Variants in VPS8 observed in about 807,000 individuals in gnomAD.
VPS8 encodes the protein VPS8 subunit of CORVET complex.
VPS8 carries 129 observed loss-of-function variants against 216.4 expected under a neutral mutation model. The ratio of observed to expected loss-of-function variants is 0.60; its 90% CI spans 0.52 to 0.69. VPS8 has a LOEUF of 0.69. Among genes scored for constraint, VPS8 ranks in the 30% least tolerant of loss-of-function variants. The pLI is 0.00. For missense variants in VPS8, 1,531 were observed against 1,683.5 expected (o/e 0.91, Z 1.59); for synonymous variants, 571 against 565.4 (o/e 1.01, Z -0.14).
chr3:184,847,015 G>T (rs1201336230), intron 8 of VPS8, among the ~76,000 whole-genome samples: 3 of 152,178 alleles, frequency 2.0e-5, no homozygotes, highest in Non-Finnish European at 4.4e-5. Flanking sequence ...TGAAAAAATT[G>T]TAAGGAGGAG....
At chr3:185,030,561 G>T (rs1336070678) in intron 46 of VPS8, among the ~76,000 whole-genome samples, 1 of 152,158 alleles carries the variant, frequency 6.6e-6, no homozygotes, top group Non-Finnish European at 1.5e-5. Context: ...CAATAGTTCT[G>T]TGAGTCCATT....
intron 22 of VPS8, among the ~76,000 whole-genome samples, chr3:184,894,393 CTT>C (rs1406074733): frequency 4.0e-5 from 6 of 151,876 alleles, no homozygotes; most frequent in African/African-American, 1.2e-4. Context: ...AAATCTGACT[CTT>C]TTGTTTGTTA....
At chr3:185,004,326 G>A (rs1056826163) in intron 45 of VPS8, among the ~76,000 whole-genome samples, 2 of 152,142 alleles carry the variant, frequency 1.3e-5, no homozygotes, top group African/African-American at 2.4e-5. Flanking sequence ...AAAAAAATAC[G>A]AAAACCAGTC....
intron 45 of VPS8, among the ~76,000 whole-genome samples, chr3:185,010,051 A>G (rs1053191307): frequency 2.0e-5 from 3 of 152,064 alleles, no homozygotes; most frequent in Admixed American, 6.5e-5. Context: ...CCAGACTCAC[A>G]AAGAGCCAGA....
chr3:184,898,652 G>A lies in VPS8; in HGVS notation c.2092G>A (p.Glu698Lys). 2.6e-6 allele frequency: 4 copies of A among 1,544,298 alleles called. No individual in the cohort carries two copies. ...RGMNEFISPM[E>K]KLFRVIAPPL... ...CATGAATGAATTTATTAGTCCAATG[G>A]AGGTAAGATACTTCCTAACTTGGAT... Residue 698 changes from glutamate to lysine, a missense_variant and splice_region_variant, in exon 24 of 48, where the codon GAG becomes AAG. Glu to Lys is a moderately conservative substitution (Grantham distance 56). This residue lies in a region of VPS8 where 1,318 missense variants were observed against 1,468.4 expected (regional missense o/e 0.90). Coordinates refer to ENST00000625842, the MANE Select transcript of VPS8 (RefSeq NM_001009921.3).
At chr3:184,935,385 G>T (rs1049031973) in intron 34 of VPS8, among the ~76,000 whole-genome samples, 2 of 152,190 alleles carry the variant, frequency 1.3e-5, no homozygotes, top group Non-Finnish European at 2.9e-5. Flanking sequence ...GTAAACTACA[G>T]TTATTTGTGG....
At chr3:184,863,945 A>G (rs1187568433) in intron 16 of VPS8, among the ~76,000 whole-genome samples, 8 of 152,214 alleles carry the variant, frequency 5.3e-5, no homozygotes, top group African/African-American at 9.6e-5. Flanking sequence ...AAAAGTCAGA[A>G]TAAGAAATGA....
At chr3:184,992,004 A>T (rs1751961647) in intron 42 of VPS8, among the ~76,000 whole-genome samples, 1 of 152,178 alleles carries the variant, frequency 6.6e-6, no homozygotes, top group Non-Finnish European at 1.5e-5. Flanking sequence ...ATACATAGTT[A>T]TTTTGTGCCT....
chr3:184,851,130 A>G (rs950446026), intron 10 of VPS8, among the ~76,000 whole-genome samples: 2 of 152,186 alleles, frequency 1.3e-5, no homozygotes, highest in African/African-American at 4.8e-5. Context: ...TGAAGGAAAA[A>G]CTAGATGGTG....
intron 36 of VPS8, among the ~76,000 whole-genome samples, chr3:184,955,551 G>A (rs1745440820): frequency 1.3e-5 from 2 of 151,472 alleles, no homozygotes; most frequent in African/African-American, 4.9e-5. Flanking sequence ...GGCCACTGCT[G>A]GTCTCCGCGT....
intron 3 of VPS8, among the ~76,000 whole-genome samples, chr3:184,831,142 G>A (rs1024822016): frequency 5.3e-5 from 8 of 152,178 alleles, no homozygotes; most frequent in South Asian, 2.1e-4. Context: ...GAGATGTACC[G>A]AAAACTAAAG....
intron 46 of VPS8, among the ~76,000 whole-genome samples, chr3:185,035,778 GAAAT>G (rs1277598227): frequency 1.3e-5 from 2 of 152,164 alleles, no homozygotes; most frequent in African/African-American, 4.8e-5. Context: ...GCAAGAGAAA[GAAAT>G]AAAAGGCATC....
chr3:184,842,894 A>G (rs948517682), intron 7 of VPS8, among the ~76,000 whole-genome samples: 17 of 151,506 alleles, frequency 1.1e-4, no homozygotes, highest in African/African-American at 4.1e-4. Context: ...CTTAATAAAG[A>G]TGTTTCCCCA....
rs184727531 is a variant in VPS8 at position 184,936,416 on chromosome 3, G to A, written c.2988+81G>A. On this transcript the variant is annotated intron_variant, in intron 35 of 47. Transcript: ENST00000625842. ...AATCGTCACCTAAGAAGTTTTGATTGTAGTGATTTCTTCAGTTGACATTTA... is the reference window on the plus strand; with the variant it reads ...AATCGTCACCTAAGAAGTTTTGATTATAGTGATTTCTTCAGTTGACATTTA... The A allele has an allele frequency of 1.3e-5, 17 of 1,282,750 alleles. No homozygotes were observed. In the East Asian group the frequency reaches 4.3e-4, roughly 33 times the overall value. The allele number at this position is 1,282,750 out of a possible 1,614,324, so 79.5% of individuals were successfully genotyped here.
chr3:185,022,906 C>T (rs1756854925), intron 45 of VPS8, among the ~76,000 whole-genome samples: 1 of 152,052 alleles, frequency 6.6e-6, no homozygotes, highest in Non-Finnish European at 1.5e-5. Context: ...TTAAACCTTT[C>T]TTATTTTCCA....
chr3:185,039,928 T>C (rs1759415479), intron 46 of VPS8, among the ~76,000 whole-genome samples: 2 of 152,172 alleles, frequency 1.3e-5, no homozygotes, highest in East Asian at 1.9e-4. Context: ...AATTGTTCCT[T>C]ATCTGCTATC....
Position 184,981,138 on chromosome 3 carries a change from A to G in VPS8, c.3421-1428A>G, listed in dbSNP as rs185866508. On this transcript the variant is annotated intron_variant, in intron 40 of 47. Transcript: ENST00000625842. ...ACCCTGAGTGGCTGAGACCAGGCCTATGGCTTTGTGCTCTGGCCCCTCAGG... is the reference window on the plus strand; with the variant it reads ...ACCCTGAGTGGCTGAGACCAGGCCTGTGGCTTTGTGCTCTGGCCCCTCAGG... Among the ~76,000 whole-genome samples, 12 of 152,276 alleles carry G rather than the reference A, an allele frequency of 7.9e-5. No individual in the cohort carries two copies. In the East Asian group the frequency reaches 1.7e-3, roughly 22 times the overall value.
At chr3:184,964,260 A>G (rs1404501723) in intron 37 of VPS8, among the ~76,000 whole-genome samples, 1 of 152,138 alleles carries the variant, frequency 6.6e-6, no homozygotes, top group Non-Finnish European at 1.5e-5. Flanking sequence ...ATAAATGAAA[A>G]AAATGAGTGA....
intron 37 of VPS8, among the ~76,000 whole-genome samples, chr3:184,961,536 A>G (rs2109520983): frequency 6.6e-6 from 1 of 152,178 alleles, no homozygotes; most frequent in Non-Finnish European, 1.5e-5. Flanking sequence ...AAAGTAGAGC[A>G]CCCATTATCT....
Sources: allele counts gnomAD v4.1 joint callset (sites outside exome capture counted in the v4.1 genomes callset), GRCh38; gene constraint gnomAD v4.1.1; regional missense constraint gnomAD v4.1.1; transcripts MANE v1.5; gene names NCBI Gene and HGNC (gene_info 2026-07-23, HGNC 2026-07-21).